The following TIA1 variants were observed in gnomAD, a reference collection of about 807,000 sequenced individuals.
The protein encoded by TIA1 is TIA1 cytotoxic granule associated RNA binding protein, also known as cytotoxic granule associated RNA binding protein TIA1.
In TIA1, 23 loss-of-function variants were observed where a neutral mutation model predicts 65.9. The observed-to-expected ratio is 0.35, with a 90% CI of 0.25 to 0.49. TIA1 has a LOEUF of 0.49. TIA1 is among the 20% of genes least tolerant of loss of function. The pLI is 0.98. For missense variants in TIA1, 371 were observed against 477.9 expected (o/e 0.78, Z 2.09); for synonymous variants, 147 against 149.4 (o/e 0.98, Z 0.12).
chr2:70,237,055 A>C (rs534002193), intron 1 of TIA1, among the ~76,000 whole-genome samples: 2 of 152,342 alleles, frequency 1.3e-5, no homozygotes, highest in South Asian at 4.1e-4. Context: ...GTAACTTTTA[A>C]AAGTTTGCCA....
At chr2:70,235,658 TA>T (rs1482626673) in intron 2 of TIA1, among the ~76,000 whole-genome samples, 2 of 152,180 alleles carry the variant, frequency 1.3e-5, no homozygotes, top group East Asian at 3.9e-4. Context: ...AAAATAAAGT[TA>T]AAAATACTTT....
chr2:70,223,732 GA>G (rs534402201), intron 7 of TIA1, among the ~76,000 whole-genome samples: 70 of 139,766 alleles, frequency 5.0e-4, no homozygotes, highest in East Asian at 4.3e-3. Context: ...GGAATTCCCG[GA>G]AAAAAAAAAA....
At chr2:70,228,701 A>AT in intron 5 of TIA1, 1 of 985,452 alleles carries the variant, frequency 1.0e-6, no homozygotes, top group Non-Finnish European at 1.2e-6. Context: ...CTTAAACAAC[A>AT]TTTTGGATTG....
intron 1 of TIA1, among the ~76,000 whole-genome samples, chr2:70,242,964 A>G (rs1692579305): frequency 6.6e-6 from 1 of 152,192 alleles, no homozygotes; most frequent in South Asian, 2.1e-4. Context: ...CACTGCCTGG[A>G]ACATTGCAAT....
Position 70,212,526 on chromosome 2 carries a change from G to A in TIA1, c.*193C>T. Reference sequence around the variant, plus strand: ...AAGGTAATGAAGGCAAAAATTGGCAGACATCCAGCATCTTGTTTCTTTTTA... The same window carrying A: ...AAGGTAATGAAGGCAAAAATTGGCAAACATCCAGCATCTTGTTTCTTTTTA... On this transcript the variant is annotated 3_prime_UTR_variant, in exon 13 of 13. Coordinates refer to ENST00000433529, the MANE Select transcript of TIA1 (RefSeq NM_022173.4). 4.6e-6 allele frequency: 2 copies of A among 436,954 alleles called. No homozygotes were observed. Among genetic ancestry groups the A allele is most frequent in the East Asian group, 3.7e-5 (1 of 27,228 alleles). 27.1% of individuals were successfully genotyped at this position (436,954 alleles called of 1,614,324 possible). A position where few individuals can be genotyped will look rare whatever the true frequency, so the allele number is the denominator to read the frequency against.
At chr2:70,227,945 A>C in intron 5 of TIA1, 123 bp from the exon 6 acceptor site, 1 of 629,054 alleles carries the variant, frequency 1.6e-6, no homozygotes. Flanking sequence ...TATAAATAAA[A>C]CACTATCCTA....
chr2:70,237,944 G>A (rs796263896), intron 1 of TIA1, among the ~76,000 whole-genome samples: 14 of 151,808 alleles, frequency 9.2e-5, no homozygotes, highest in African/African-American at 2.2e-4. Flanking sequence ...GGCGGATCAC[G>A]AGGTCAGGAG....
chr2:70,234,153 G>A (rs938932735), intron 2 of TIA1, among the ~76,000 whole-genome samples: 2 of 152,090 alleles, frequency 1.3e-5, no homozygotes, highest in Admixed American at 6.6e-5. Flanking sequence ...ATTTATATTC[G>A]GATAAATCAA....
chr2:70,245,453 T>A lies in TIA1; in HGVS notation c.26+2952A>T, dbSNP rs114129738. On this transcript the variant is annotated intron_variant, in intron 1 of 12. Coordinates refer to ENST00000433529, the MANE Select transcript of TIA1 (RefSeq NM_022173.4). ...CTGGATTTGAGGGAATTAACTTTCA[T>A]CAACTAACACCAGCAATGTTTTTCT... is the stretch of plus-strand genomic sequence containing the variant. 2.5e-3 allele frequency among the ~76,000 whole-genome samples: 378 copies of A among 152,360 alleles called. 2 individuals are homozygous for A. The highest frequency in any genetic ancestry group is 8.7e-3 in the African/African-American group (363 of 41,586).
chr2:70,240,425 A>T (rs1691138017), intron 1 of TIA1, among the ~76,000 whole-genome samples: 1 of 152,250 alleles, frequency 6.6e-6, no homozygotes, highest in Admixed American at 6.5e-5. Flanking sequence ...CAAAAACAAC[A>T]GATGACTGTT....
chr2:70,223,448 G>T (rs555439164), intron 7 of TIA1, among the ~76,000 whole-genome samples: 87 of 151,890 alleles, frequency 5.7e-4, no homozygotes, highest in African/African-American at 2.1e-3. Flanking sequence ...TTGAGACAGG[G>T]CCTCACTTTG....
At position 70,214,494 on chromosome 2, in the gene TIA1, G is replaced by C. The variant is rs750903310; in HGVS notation, c.889C>G (p.Gln297Glu). The change falls in exon 12 of 13, where the codon CAG (glutamine) becomes GAG (glutamate). Residue 297 changes from glutamine (Q) to glutamate (E), a missense_variant and splice_region_variant. Coordinates refer to ENST00000433529, the MANE Select transcript of TIA1 (RefSeq NM_022173.4). ...TLDMINPVQQ[Q>E]NQIGYPQPYG... Reference sequence around the variant, plus strand: ...GGTTGGGGATATCCAATTTGATTCTGCTATTAAATAAAATTTAGTATTACT... The same window carrying C: ...GGTTGGGGATATCCAATTTGATTCTCCTATTAAATAAAATTTAGTATTACT... 1.7e-5 allele frequency: 27 copies of C among 1,606,068 alleles called. No homozygotes were observed. The African/African-American group carries it at 3.6e-4, about 22-fold the overall frequency.
chr2:70,234,898 G>T (rs1014462714), intron 2 of TIA1, among the ~76,000 whole-genome samples: 1 of 151,890 alleles, frequency 6.6e-6, no homozygotes, highest in African/African-American at 2.4e-5. Context: ...AAAAAAAGTT[G>T]AACTGGAATA....
chr2:70,216,771 T>G, intron 8 of TIA1, 115 bp downstream of exon 8: 2 of 1,603,898 alleles, frequency 1.2e-6, no homozygotes, highest in East Asian at 4.5e-5. Flanking sequence ...ATAGTAGTCT[T>G]GATTTGCTTC....
At chr2:70,214,834 T>C (rs1677920645) in intron 11 of TIA1, among the ~76,000 whole-genome samples, 1 of 152,176 alleles carries the variant, frequency 6.6e-6, no homozygotes, top group African/African-American at 2.4e-5. Context: ...ATAGGGAAGA[T>C]GTGATTAATT....
chr2:70,233,587 GA>G lies in TIA1; in HGVS notation c.123+2491del, dbSNP rs755230952. Among the ~76,000 whole-genome samples, 231 of 152,152 alleles carry G rather than the reference GA, an allele frequency of 1.5e-3. 1 individual carries two copies. Among genetic ancestry groups the G allele is most frequent in the Admixed American group, 3.6e-3 (55 of 15,262 alleles). ...ATCAAGACCACCTGGCCAACATGGT[GA>G]AACCCTGTCTCTACTGAAAATACGA... On this transcript the variant is annotated intron_variant, in intron 2 of 12. Transcript: ENST00000433529.
Position 70,216,918 on chromosome 2 carries a change from C to T in TIA1, c.551G>A (p.Arg184Gln), listed in dbSNP as rs1334471258. ...GRQIRTNWAT[R>Q]KPPAPKSTYE... is the part of the protein sequence containing the mutation. Reference sequence around the variant, plus strand: ...TGTACTCTTTGGAGCGGGAGGCTTTCGGGTTGCCCAGTTAGTTCTGATTTG... The same window carrying T: ...TGTACTCTTTGGAGCGGGAGGCTTTTGGGTTGCCCAGTTAGTTCTGATTTG... The change falls in exon 8 of 13, where the codon CGA (arginine) becomes CAA (glutamine). Residue 184 changes from arginine (R) to glutamine (Q), a missense_variant. By Grantham distance (43) the Arg-to-Gln change is conservative. Transcript: ENST00000433529. 6.8e-6 allele frequency: 11 copies of T among 1,613,938 alleles called. No individual in the cohort carries two copies. Among genetic ancestry groups the T allele is most frequent in the African/African-American group, 1.3e-5 (1 of 74,912 alleles).
At chr2:70,235,654 A>C (rs1318224219) in intron 2 of TIA1, among the ~76,000 whole-genome samples, 1 of 152,042 alleles carries the variant, frequency 6.6e-6, no homozygotes, top group African/African-American at 2.4e-5. Context: ...TTTAAAAATA[A>C]AGTTAAAAAT....
intron 6 of TIA1, 48 bp downstream of exon 6, chr2:70,227,687 T>C (rs1417484049): frequency 4.0e-6 from 5 of 1,253,422 alleles, no homozygotes; most frequent in Non-Finnish European, 5.7e-6. Flanking sequence ...TATGTCTACA[T>C]ATAATTGTTT....
Sources: allele counts gnomAD v4.1 joint callset (sites outside exome capture counted in the v4.1 genomes callset), GRCh38; gene constraint gnomAD v4.1.1; transcripts MANE v1.5; gene names NCBI Gene and HGNC (gene_info 2026-07-23, HGNC 2026-07-21).